The following TMEM260 variants were observed in gnomAD, a reference collection of about 807,000 sequenced individuals.
TMEM260 encodes the protein protein O-mannosyl-transferase TMEM260.
TMEM260 carries 82 observed loss-of-function variants against 88.9 expected under a neutral mutation model. That is an observed-to-expected ratio of 0.92 (90% CI 0.77 to 1.11). The LOEUF is 1.11. Among genes scored for constraint, TMEM260 ranks in the 50% least tolerant of loss-of-function variants. TMEM260 has a pLI of 0.00. For synonymous variants in TMEM260, 314 were observed against 309.3 expected (o/e 1.02, Z -0.16); for missense variants, 902 against 853.4 (o/e 1.06, Z -0.71).
At chr14:56,585,272 A>G (rs1057168392) in intron 2 of TMEM260, among the ~76,000 whole-genome samples, 1 of 152,132 alleles carries the variant, frequency 6.6e-6, no homozygotes, top group Non-Finnish European at 1.5e-5. Context: ...ATTTTGTATA[A>G]GCTGTGGGGA....
chr14:56,582,690 A>G (rs1885214529), intron 1 of TMEM260, among the ~76,000 whole-genome samples: 1 of 152,178 alleles, frequency 6.6e-6, no homozygotes, highest in Non-Finnish European at 1.5e-5. Flanking sequence ...AAGCAGGTTA[A>G]TTCTGATGCA....
intron 13 of TMEM260, among the ~76,000 whole-genome samples, chr14:56,633,683 T>G (rs974800685): frequency 6.6e-6 from 1 of 152,184 alleles, no homozygotes; most frequent in African/African-American, 2.4e-5. Context: ...TGTTGGGGCA[T>G]TACTGGCCTT....
intron 15 of TMEM260, among the ~76,000 whole-genome samples, chr14:56,642,944 G>C (rs58446877): frequency 5.3e-5 from 8 of 151,966 alleles, no homozygotes; most frequent in African/African-American, 1.5e-4. Context: ...AGACATACAC[G>C]CTCCCAAGAC....
intron 3 of TMEM260, among the ~76,000 whole-genome samples, chr14:56,599,031 C>T (rs908334721): frequency 6.6e-6 from 1 of 152,156 alleles, no homozygotes; most frequent in East Asian, 1.9e-4. Flanking sequence ...CTTCCCCAAC[C>T]CACTTTTCAC....
intron 3 of TMEM260, chr14:56,593,203 A>C (rs185974105): frequency 3.3e-4 from 50 of 152,346 alleles, no homozygotes; most frequent in African/African-American, 1.2e-3. Flanking sequence ...TTTGTGGACC[A>C]AGAAAAGAAG....
intron 12 of TMEM260, among the ~76,000 whole-genome samples, chr14:56,632,095 G>A (rs1438592011): frequency 6.6e-6 from 1 of 152,198 alleles, no homozygotes; most frequent in Non-Finnish European, 1.5e-5. Context: ...GGTCAGACCT[G>A]TGCATGCTCA....
chr14:56,651,386 G>A (rs1340630074), downstream of TMEM260, among the ~76,000 whole-genome samples: 5 of 152,046 alleles, frequency 3.3e-5, no homozygotes, highest in Non-Finnish European at 7.4e-5. Flanking sequence ...GAAATTGTAT[G>A]TACTAGAAAG....
At chr14:56,594,905 A>G (rs949586088) in intron 3 of TMEM260, among the ~76,000 whole-genome samples, 61 of 152,316 alleles carry the variant, frequency 4.0e-4, no homozygotes, top group African/African-American at 1.4e-3. Flanking sequence ...TAGTCTTTCC[A>G]GGGGAAAAAT....
chr14:56,622,642 T>A (rs902611243), intron 11 of TMEM260, among the ~76,000 whole-genome samples: 17 of 152,244 alleles, frequency 1.1e-4, no homozygotes, highest in African/African-American at 3.8e-4. Flanking sequence ...TAAGATTTAT[T>A]ATTTAAGCCA....
At chr14:56,621,483 C>A in intron 10 of TMEM260, 48 bp from the exon 11 acceptor site, 2 of 1,430,568 alleles carry the variant, frequency 1.4e-6, no homozygotes, top group Non-Finnish European at 1.9e-6. Context: ...CTTATTAAAA[C>A]TGTAGCAAAG....
At chr14:56,653,334 T>C (rs8009353), downstream of TMEM260, among the ~76,000 whole-genome samples, 1 of 152,166 alleles carries the variant, frequency 6.6e-6, no homozygotes, top group Non-Finnish European at 1.5e-5. Flanking sequence ...ATATGTCATA[T>C]ATGTGTGTAT....
intron 7 of TMEM260, chr14:56,613,686 T>C (rs905018167): frequency 3.9e-5 from 6 of 152,138 alleles, no homozygotes; most frequent in South Asian, 4.1e-4. Flanking sequence ...ATTGTAAATA[T>C]TTCTTTTTAT....
chr14:56,580,412 T>C (rs1267337246), intron 1 of TMEM260, among the ~76,000 whole-genome samples: 1 of 152,242 alleles, frequency 6.6e-6, no homozygotes, highest in East Asian at 1.9e-4. Context: ...ACGGTGTCCT[T>C]ATTATGTTTC....
chr14:56,612,005 G>T (rs981147850), intron 6 of TMEM260, among the ~76,000 whole-genome samples: 2 of 151,942 alleles, frequency 1.3e-5, no homozygotes, highest in African/African-American at 4.8e-5. Flanking sequence ...AGGAGGGAAT[G>T]GATTAAAAAA....
intron 15 of TMEM260, among the ~76,000 whole-genome samples, chr14:56,641,066 A>G (rs1395025614): frequency 6.6e-6 from 1 of 151,760 alleles, no homozygotes; most frequent in Non-Finnish European, 1.5e-5. Flanking sequence ...GACAGGAAGA[A>G]TGGAACCAAG....
At position 56,609,103 on chromosome 14, in the gene TMEM260, C is replaced by T; in HGVS notation, c.637-3C>T. ...TTATACCACCCAATGTGCTCTGATG[C>T]AGGAACTCTCCCTGGGCTCTTTGTT... On this transcript the variant is annotated splice_region_variant and splice_polypyrimidine_tract_variant and intron_variant, in intron 5 of 15. Transcript: ENST00000261556. The T allele has an allele frequency of 6.2e-7, 1 of 1,613,762 alleles. No individual in the cohort carries two copies.
At chr14:56,596,840 A>G (rs1886278877) in intron 3 of TMEM260, among the ~76,000 whole-genome samples, 1 of 150,808 alleles carries the variant, frequency 6.6e-6, no homozygotes, top group South Asian at 2.1e-4. Context: ...TAGGTTATCC[A>G]ATATTATCAA....
At chr14:56,642,220 G>A (rs9744006) in intron 15 of TMEM260, among the ~76,000 whole-genome samples, 127,518 of 152,074 alleles carry the variant, frequency 0.84, 53,873 homozygotes, top group East Asian at 1. Context: ...TCTCAGCACC[G>A]CATTGCACTT....
At chr14:56,589,409 T>C (rs1269695348) in intron 3 of TMEM260, among the ~76,000 whole-genome samples, 1 of 152,164 alleles carries the variant, frequency 6.6e-6, no homozygotes, top group African/African-American at 2.4e-5. Context: ...AGTAAAGCTC[T>C]TATTTTTTAT....
Sources: gnomAD v4.1 joint callset for allele counts (sites outside exome capture counted in the v4.1 genomes callset) on GRCh38, gnomAD v4.1.1 for gene constraint, MANE v1.5 for transcripts, NCBI Gene and HGNC (gene_info 2026-07-23, HGNC 2026-07-21) for gene names.